Variants in ARHGAP10 observed in about 807,000 individuals in gnomAD.
ARHGAP10 encodes Rho GTPase activating protein 10.
In ARHGAP10, 87 loss-of-function variants were observed where a neutral mutation model predicts 108.6. The observed-to-expected ratio is 0.80, with a 90% CI of 0.67 to 0.96. ARHGAP10 has a LOEUF of 0.96. ARHGAP10 is among the 40% of genes least tolerant of loss of function. The pLI is 0.00. For missense variants in ARHGAP10, 939 were observed against 954.5 expected, an observed-to-expected ratio of 0.98 and a Z score of 0.21; for synonymous variants, 347 against 341.1, an observed-to-expected ratio of 1.02 and a Z score of -0.19.
chr4:147,785,994 C>T (rs79482026), intron 1 of ARHGAP10, among the ~76,000 whole-genome samples: 1,551 of 152,102 alleles, frequency 0.01, 30 homozygotes, highest in African/African-American at 0.035. Context: ...TTTCTGATTT[C>T]GGGAAAATTG....
intron 22 of ARHGAP10, 38 bp from the exon 23 acceptor site, chr4:148,071,952 TGGG>T: frequency 2.5e-6 from 4 of 1,580,220 alleles, no homozygotes; most frequent in Non-Finnish European, 3.5e-6. Context: ...GGCAAGTACT[TGGG>T]GGCATTTTGT....
chr4:147,840,551 T>C (rs1023251410), intron 3 of ARHGAP10, among the ~76,000 whole-genome samples: 1 of 152,236 alleles, frequency 6.6e-6, no homozygotes, highest in African/African-American at 2.4e-5. Context: ...AGTCGAGTGC[T>C]TACCTTGTTT....
At chr4:147,951,057 G>A (rs935741855) in intron 15 of ARHGAP10, among the ~76,000 whole-genome samples, 1 of 152,096 alleles carries the variant, frequency 6.6e-6, no homozygotes, top group Non-Finnish European at 1.5e-5. Context: ...AATACATTCT[G>A]TATGGGGAAC....
intron 13 of ARHGAP10, among the ~76,000 whole-genome samples, chr4:147,923,762 G>A (rs1337332425): frequency 6.6e-6 from 1 of 152,188 alleles, no homozygotes; most frequent in Non-Finnish European, 1.5e-5. Flanking sequence ...TGCCTCCAGA[G>A]CACTTTAGAA....
chr4:147,955,336 T>C lies in ARHGAP10; in HGVS notation c.1412T>C (p.Met471Thr). 6.2e-7 allele frequency: 1 copy of C among 1,611,830 alleles called. No individual in the cohort carries two copies. Among genetic ancestry groups the C allele is most frequent in the East Asian group, 2.2e-5 (1 of 44,808 alleles). Residue 471 changes from methionine (M) to threonine (T), a missense_variant, in exon 16 of 23, where the codon ATG becomes ACG. Transcript: ENST00000336498. ...CACAGGAGTCTTCCAGAGCCTCTCA[T>C]GACCTATGAGTTACATGGAGATTTC... is the stretch of plus-strand genomic sequence containing the variant. ...QYLRSLPEPL[M>T]TYELHGDFIV... is the part of the protein sequence containing the mutation.
intron 18 of ARHGAP10, among the ~76,000 whole-genome samples, chr4:147,970,170 G>C (rs1190925244): frequency 1.3e-5 from 2 of 152,194 alleles, no homozygotes. Flanking sequence ...CTATGAGGAA[G>C]AATATTTTTG....
intron 10 of ARHGAP10, among the ~76,000 whole-genome samples, chr4:147,895,533 A>G (rs1049858598): frequency 1.3e-5 from 2 of 150,710 alleles, no homozygotes; most frequent in Non-Finnish European, 3.0e-5. Context: ...AAAAAAAAAA[A>G]AATTAGCCAG....
intron 18 of ARHGAP10, among the ~76,000 whole-genome samples, chr4:147,987,155 A>G (rs555452326): frequency 6.6e-6 from 1 of 152,370 alleles, no homozygotes; most frequent in Admixed American, 6.5e-5. Flanking sequence ...TAATATATGA[A>G]AAACTAACTT....
At chr4:147,782,534 A>G (rs1252494647) in intron 1 of ARHGAP10, 1 of 152,242 alleles carries the variant, frequency 6.6e-6, no homozygotes, top group Non-Finnish European at 1.5e-5. Context: ...AACTGTGTAC[A>G]TCGCTGGGTC....
In ARHGAP10 at chr4:147,747,749, A is replaced by G. The variant is rs368321969; in HGVS notation, c.154+15294A>G. 1.3e-4 allele frequency among the ~76,000 whole-genome samples: 20 copies of G among 152,312 alleles called. No individual in the cohort carries two copies. The East Asian group carries it at 2.5e-3, about 19-fold the overall frequency. Reference sequence around the variant, plus strand: ...AATACTATGGATGCTCATTTATTTCAGCTGTCAGTGAGAGGAATCAGACTA... The same window carrying G: ...AATACTATGGATGCTCATTTATTTCGGCTGTCAGTGAGAGGAATCAGACTA... On this transcript the variant is annotated intron_variant, in intron 1 of 22. Coordinates refer to ENST00000336498, the MANE Select transcript of ARHGAP10 (RefSeq NM_024605.4).
intron 13 of ARHGAP10, among the ~76,000 whole-genome samples, chr4:147,919,910 C>G (rs1737166445): frequency 6.6e-6 from 1 of 152,152 alleles, no homozygotes; most frequent in South Asian, 2.1e-4. Context: ...CTCTCATACC[C>G]TGTCAGCCTG....
chr4:148,049,314 A>C (rs1361442234), intron 20 of ARHGAP10, among the ~76,000 whole-genome samples: 9 of 152,180 alleles, frequency 5.9e-5, no homozygotes, highest in Non-Finnish European at 1.3e-4. Context: ...ATGAGCCTTG[A>C]TATGGAAGAC....
At chr4:147,912,905 C>T (rs1465537719) in intron 12 of ARHGAP10, among the ~76,000 whole-genome samples, 169 bp from the exon 13 acceptor site, 1 of 151,908 alleles carries the variant, frequency 6.6e-6, no homozygotes, top group Non-Finnish European at 1.5e-5. Flanking sequence ...CCCTGGGCCT[C>T]CCAAAGTGGT....
At chr4:147,856,751 A>G (rs1378853005) in intron 4 of ARHGAP10, among the ~76,000 whole-genome samples, 1 of 152,204 alleles carries the variant, frequency 6.6e-6, no homozygotes, top group Non-Finnish European at 1.5e-5. Flanking sequence ...CAGAGAAGGG[A>G]TACTTAACCT....
In ARHGAP10 at chr4:148,023,411, A is replaced by T; in HGVS notation, c.1865A>T (p.Asp622Val). 1.9e-6 allele frequency: 3 copies of T among 1,612,516 alleles called. No individual in the cohort carries two copies. The highest frequency in any genetic ancestry group is 2.5e-6 in the Non-Finnish European group (3 of 1,178,818). The change falls in exon 19 of 23, where the codon GAT becomes GTT. Residue 622 changes from aspartate to valine, a missense_variant and splice_region_variant. Coordinates refer to ENST00000336498, the MANE Select transcript of ARHGAP10 (RefSeq NM_024605.4). ...TACAATCTTTGTCTGGAGCTGGAAG[A>T]TGGTAAGATGTTAATGATATTTTTT... ...AVYNLCLELE[D>V]GDNPYPSKED...
chr4:148,066,485 A>G (rs937960785), intron 22 of ARHGAP10, among the ~76,000 whole-genome samples: 3 of 152,188 alleles, frequency 2.0e-5, no homozygotes, highest in Non-Finnish European at 4.4e-5. Flanking sequence ...GACCCAGGAG[A>G]CTTACGTTCT....
chr4:147,789,552 G>A (rs1424546262), intron 1 of ARHGAP10, among the ~76,000 whole-genome samples: 1 of 152,186 alleles, frequency 6.6e-6, no homozygotes, highest in African/African-American at 2.4e-5. Context: ...GATTACAGGC[G>A]TGAGCCACCA....
intron 20 of ARHGAP10, among the ~76,000 whole-genome samples, chr4:148,052,228 T>C (rs1047027610): frequency 1.3e-5 from 2 of 152,014 alleles, no homozygotes; most frequent in African/African-American, 4.8e-5. Context: ...CTCTCTGTCT[T>C]TCCTTCTTCC....
chr4:148,052,506 A>G (rs1264448951), intron 20 of ARHGAP10, among the ~76,000 whole-genome samples: 1 of 150,766 alleles, frequency 6.6e-6, no homozygotes, highest in Non-Finnish European at 1.5e-5. Context: ...TAAGTAACCT[A>G]AAGGAATGAA....
Sources: allele counts gnomAD v4.1 joint callset (sites outside exome capture counted in the v4.1 genomes callset), GRCh38; gene constraint gnomAD v4.1.1; transcripts MANE v1.5; gene names NCBI Gene and HGNC (gene_info 2026-07-23, HGNC 2026-07-21).